The following PTGER3 variants were observed in gnomAD, a reference collection of about 807,000 sequenced individuals.
PTGER3 encodes prostaglandin E2 receptor EP3 subtype.
Under a neutral mutation model 34.7 loss-of-function variants are expected in PTGER3, and 22 were observed. The observed-to-expected ratio is 0.63, with a 90% CI of 0.45 to 0.91. The LOEUF (loss-of-function observed/expected upper bound fraction) is 0.91. PTGER3 is among the 40% of genes least tolerant of loss of function. The pLI is 0.00. For missense variants in PTGER3, 468 were observed against 519.4 expected (o/e 0.90, Z 0.96); for synonymous variants, 241 against 230.1 (o/e 1.05, Z -0.43).
At chr1:70,931,108 G>T (rs1235290457) in intron 4 of PTGER3, among the ~76,000 whole-genome samples, 1 of 152,158 alleles carries the variant, frequency 6.6e-6, no homozygotes, top group Admixed American at 6.5e-5. Flanking sequence ...AAAAACAAAG[G>T]GGTTTCAGGG....
At chr1:70,951,247 GC>G (rs1222284733), downstream of PTGER3, 2 of 152,006 alleles carry the variant, frequency 1.3e-5, no homozygotes, top group Non-Finnish European at 2.9e-5. Flanking sequence ...TAACAATAAA[GC>G]ATTAAAATTA....
intron 2 of PTGER3, chr1:71,006,439 A>G (rs779543782): frequency 9.1e-6 from 9 of 985,404 alleles, no homozygotes; most frequent in Non-Finnish European, 1.1e-5. Context: ...GCTCACACCA[A>G]AACTCAGGCA....
At chr1:70,952,076 G>C (rs565381369), downstream of PTGER3, among the ~76,000 whole-genome samples, 1 of 152,226 alleles carries the variant, frequency 6.6e-6, no homozygotes, top group South Asian at 2.1e-4. Flanking sequence ...TAATGAGTGG[G>C]CTGGTGGGGG....
At chr1:70,992,010 A>G (rs1190264407) in intron 2 of PTGER3, among the ~76,000 whole-genome samples, 2 of 152,336 alleles carry the variant, frequency 1.3e-5, no homozygotes, top group African/African-American at 2.4e-5. Context: ...GCACTTTTCT[A>G]AAAGCTTTAC....
intron 4 of PTGER3, among the ~76,000 whole-genome samples, chr1:70,914,021 A>G (rs938135842): frequency 7.2e-5 from 11 of 151,836 alleles, no homozygotes; most frequent in African/African-American, 1.7e-4. Context: ...AAAGTATTCT[A>G]TGGTCTTCAA....
intron 4 of PTGER3, among the ~76,000 whole-genome samples, chr1:70,853,264 A>G (rs1383074584): frequency 2.0e-5 from 3 of 152,192 alleles, no homozygotes; most frequent in African/African-American, 4.8e-5. Flanking sequence ...GCTAATTTCA[A>G]TTTATAGTTA....
chr1:70,971,819 A>G (rs1367588781), intron 3 of PTGER3, 86 bp from the exon 4 acceptor site: 2 of 848,248 alleles, frequency 2.4e-6, no homozygotes, highest in Admixed American at 2.6e-5. Flanking sequence ...GGAGTAAAAT[A>G]TAAGTAATAA....
intron 2 of PTGER3, among the ~76,000 whole-genome samples, chr1:70,998,918 A>C (rs1276650934): frequency 2.0e-5 from 3 of 152,198 alleles, no homozygotes; most frequent in Non-Finnish European, 4.4e-5. Flanking sequence ...ACGGTGGCTC[A>C]CGCCTGTAAT....
chr1:70,952,690 C>A, exon 4 of PTGER3: 2 of 1,189,930 alleles, frequency 1.7e-6, no homozygotes, highest in South Asian at 6.3e-5. Context: ...TACTATAAGT[C>A]TAAATTGGGT....
At chr1:71,034,190 T>TC (rs74310781) in intron 1 of PTGER3, among the ~76,000 whole-genome samples, 1 of 151,638 alleles carries the variant, frequency 6.6e-6, no homozygotes, top group East Asian at 1.9e-4. Flanking sequence ...ATGTGAGTTA[T>TC]ATTAATAACT....
At chr1:70,904,961 G>A (rs570252087) in intron 4 of PTGER3, among the ~76,000 whole-genome samples, 25 of 152,204 alleles carry the variant, frequency 1.6e-4, no homozygotes, top group African/African-American at 5.3e-4. Context: ...AGGAAAACAT[G>A]GTTTCCTGGG....
Position 71,043,418 on chromosome 1 carries a change from T to C in PTGER3, c.897+3263A>G, listed in dbSNP as rs548681123. ...ATACATAAACCTCTATTTAAGTATT[T>C]ATGTAGTGTGAACTTGTAGCTGTTG... On this transcript the variant is annotated intron_variant, in intron 1 of 3. Coordinates refer to ENST00000306666, the MANE Select transcript of PTGER3 (RefSeq NM_198719.2). Among the ~76,000 whole-genome samples, 70 of 152,342 alleles carry C rather than the reference T, an allele frequency of 4.6e-4. No individual in the cohort carries two copies. In the South Asian group the frequency reaches 7.7e-3, roughly 17 times the overall value.
intron 2 of PTGER3, among the ~76,000 whole-genome samples, chr1:70,975,974 T>C (rs1309063315): frequency 1.3e-5 from 2 of 152,176 alleles, no homozygotes; most frequent in Admixed American, 1.3e-4. Flanking sequence ...GCTATTATGC[T>C]GCTTGGTTCT....
At chr1:70,858,294 G>T (rs866170861) in intron 4 of PTGER3, among the ~76,000 whole-genome samples, 4 of 150,304 alleles carry the variant, frequency 2.7e-5, no homozygotes, top group Middle Eastern at 3.4e-3. Flanking sequence ...AGGAAACAAC[G>T]TTGAAACAAA....
chr1:70,925,686 A>G (rs929704126), intron 4 of PTGER3, among the ~76,000 whole-genome samples: 1 of 152,182 alleles, frequency 6.6e-6, no homozygotes, highest in Non-Finnish European at 1.5e-5. Flanking sequence ...AAATAAATAC[A>G]TATGTTGTAA....
chr1:71,012,023 T>G, intron 2 of PTGER3: 2 of 1,409,962 alleles, frequency 1.4e-6, no homozygotes, highest in Non-Finnish European at 1.8e-6. Flanking sequence ...GTTATTAATA[T>G]ATTTTCCTTT....
exon 4 of PTGER3, chr1:70,952,991 A>G (rs1557681031): frequency 6.2e-7 from 1 of 1,613,002 alleles, no homozygotes; most frequent in Non-Finnish European, 8.5e-7. Context: ...TCAGCACACG[A>G]TAGGTTTGTA....
intron 4 of PTGER3, among the ~76,000 whole-genome samples, chr1:70,866,865 T>G (rs1646053066): frequency 1.3e-5 from 2 of 152,230 alleles, no homozygotes; most frequent in Admixed American, 1.3e-4. Context: ...CTCTTACTTC[T>G]GGATCAGCTT....
chr1:70,979,707 T>A (rs570021), intron 2 of PTGER3, among the ~76,000 whole-genome samples: 92,824 of 151,956 alleles, frequency 0.61, 28,567 homozygotes, highest in Middle Eastern at 0.65. Flanking sequence ...CGTCCTTCCA[T>A]TGAGCGTTCT....
Sources: gnomAD v4.1 joint callset for allele counts (sites outside exome capture counted in the v4.1 genomes callset) on GRCh38, gnomAD v4.1.1 for gene constraint, MANE v1.5 for transcripts, NCBI Gene and HGNC (gene_info 2026-07-23, HGNC 2026-07-21) for gene names.